Variants in LRR1 observed in about 807,000 individuals in gnomAD.
LRR1 encodes the protein leucine-rich repeat protein 1.
A neutral mutation model predicts 31.6 loss-of-function variants in LRR1; 29 were observed. The observed-to-expected ratio is 0.92, with a 90% CI of 0.68 to 1.25. LRR1 has a LOEUF of 1.25. Among genes scored for constraint, LRR1 ranks in the 50% most tolerant of loss-of-function variants. LRR1 has a pLI of 0.00. For synonymous variants in LRR1, 179 were observed against 181.4 expected (o/e 0.99, Z 0.10); for missense variants, 485 against 487.2 (o/e 1.00, Z 0.04).
At chr14:49,604,143 A>C (rs112307231) in intron 2 of LRR1, among the ~76,000 whole-genome samples, 72,770 of 149,198 alleles carry the variant, frequency 0.49, 18,141 homozygotes, top group Middle Eastern at 0.56. Flanking sequence ...TCTCCACAAA[A>C]AAAAAAAAAA....
chr14:49,612,922 C>T (rs966159585), intron 3 of LRR1, among the ~76,000 whole-genome samples: 2 of 152,098 alleles, frequency 1.3e-5, no homozygotes, highest in East Asian at 1.9e-4. Flanking sequence ...CCTCAAGGCC[C>T]AGCGCAGTGG....
chr14:49,607,712 C>G lies in LRR1; in HGVS notation c.595C>G (p.Leu199Val). 1 of 1,612,772 alleles carries G rather than the reference C, an allele frequency of 6.2e-7. No homozygotes were observed. Among genetic ancestry groups the G allele is most frequent in the Non-Finnish European group, 8.5e-7 (1 of 1,179,338 alleles). ...AAAGCTTCCAGCTACAATTGGAGAC[C>G]TCATACACCTTCAAGAACTTAACCT... Reference protein sequence around the residue: ...IKKLPATIGDLIHLQELNLND... With the variant: ...IKKLPATIGDVIHLQELNLND... The change falls in exon 3 of 4, where the codon CTC (leucine) becomes GTC (valine). Residue 199 changes from leucine to valine, a missense_variant. By Grantham distance (32) the Leu-to-Val change is conservative (BLOSUM62 1). Around this residue, in one of 3 missense-constraint regions of LRR1, gnomAD observed 260 missense variants for 249.6 expected, o/e 1.04. Transcript: ENST00000298288.
chr14:49,603,400 C>G (rs575314427), intron 2 of LRR1, among the ~76,000 whole-genome samples: 45 of 152,160 alleles, frequency 3.0e-4, no homozygotes, highest in African/African-American at 9.9e-4. Flanking sequence ...GGCAACTGCA[C>G]AGGTCTACAT....
chr14:49,599,134 G>C lies in LRR1; in HGVS notation c.114G>C (p.Arg38Ser). 1 of 1,608,530 alleles carries C rather than the reference G, an allele frequency of 6.2e-7. No individual in the cohort carries two copies. ...AVLSLCQQTS[R>S]SQPPVRAFLL... ...TGAGCCTCTGTCAGCAGACTTCCAG[G>C]AGTCAGCCGCCGGTCCGAGCCTTCC... The change falls in exon 1 of 4, where the codon AGG becomes AGC. Residue 38 changes from arginine to serine, a missense_variant. By Grantham distance (110) the Arg-to-Ser change is moderately radical (BLOSUM62 -1). Transcript: ENST00000298288.
intron 3 of LRR1, among the ~76,000 whole-genome samples, chr14:49,613,207 C>T (rs1053953451): frequency 2.6e-5 from 4 of 151,962 alleles, no homozygotes; most frequent in Non-Finnish European, 2.9e-5. Context: ...GGCGTGGTGG[C>T]GGGCACCTAT....
At chr14:49,601,699 G>A in intron 1 of LRR1, 2 of 1,288,200 alleles carry the variant, frequency 1.6e-6, no homozygotes, top group Non-Finnish European at 2.0e-6. Flanking sequence ...AGTTGGAATG[G>A]GAGAAAAGGA....
At chr14:49,599,598 C>T (rs8015132) in intron 1 of LRR1, among the ~76,000 whole-genome samples, 27,336 of 151,072 alleles carry the variant, frequency 0.18, 2,733 homozygotes, top group Admixed American at 0.28. Context: ...AATTCTTTCT[C>T]CCACAATATT....
Position 49,614,515 on chromosome 14 carries a change from G to T in LRR1, c.*19G>T, listed in dbSNP as rs1882629295. ...AAAGTAATGGGTGAGACCAGAAAAA[G>T]AAATTTCAATAACAGATCAGTTTGG... is the stretch of plus-strand genomic sequence containing the variant. On this transcript the variant is annotated 3_prime_UTR_variant, in exon 4 of 4. Coordinates refer to ENST00000298288, the MANE Select transcript of LRR1 (RefSeq NM_152329.4). 5 of 1,612,858 alleles carry T rather than the reference G, an allele frequency of 3.1e-6. No individual in the cohort carries two copies. In the East Asian group the frequency reaches 1.1e-4, roughly 36 times the overall value.
rs1882342666 is a variant in LRR1, at chr14:49,607,791, A to G, written c.674A>G (p.Gln225Arg). Residue 225 changes from glutamine (Q) to arginine (R), a missense_variant, in exon 3 of 4, where the codon CAG (glutamine) becomes CGG (arginine). This residue lies in a region of LRR1 where 15 missense variants were observed against 37.2 expected (regional missense o/e 0.40). Coordinates refer to ENST00000298288, the MANE Select transcript of LRR1 (RefSeq NM_152329.4). ...FSVALCHSTL[Q>R]KSLRSLDLSK... ...GTAGCCTTGTGTCATTCTACACTCC[A>G]GAAGTCACTTCGGAGTTTGGACCTC... The G allele has an allele frequency of 6.2e-7, 1 of 1,614,060 alleles. No individual in the cohort carries two copies. The highest frequency in any genetic ancestry group is 8.5e-7 in the Non-Finnish European group (1 of 1,180,018).
At position 49,614,621 on chromosome 14, in the gene LRR1, GTTA is replaced by G; in HGVS notation, c.*126_*128del. 2.3e-6 allele frequency: 3 copies of G among 1,324,030 alleles called. No individual in the cohort carries two copies. Among genetic ancestry groups the G allele is most frequent in the Non-Finnish European group, 3.2e-6 (3 of 932,864 alleles). 82.0% of individuals were successfully genotyped at this position (1,324,030 alleles called of 1,614,324 possible). A position where few individuals can be genotyped will look rare whatever the true frequency, so the allele number is the denominator to read the frequency against. On this transcript the variant is annotated 3_prime_UTR_variant, in exon 4 of 4. Transcript: ENST00000298288. Reference sequence around the variant, plus strand: ...TTGCTGGAGAGGAGGAATGTGTATAGTTACTCATTTAGATGACTCCAAAACTTT... The same window carrying G: ...TTGCTGGAGAGGAGGAATGTGTATAGCTCATTTAGATGACTCCAAAACTTT...
rs1022137778 is a variant in LRR1, at chr14:49,607,962, A to G, written c.845A>G (p.Asn282Ser). ...INLRFLSAAR[N>S]KLPFLPSEFR... ...CTTCGCTTTTTGTCAGCAGCTCGAA[A>G]TAAGCTTCCATTTTTGCCTAGTGAA... The change falls in exon 3 of 4, where the codon AAT becomes AGT. Residue 282 changes from asparagine (N) to serine (S), a missense_variant. By Grantham distance (46) the Asn-to-Ser change is conservative (BLOSUM62 1). Transcript: ENST00000298288. 1 of 1,614,174 alleles carries G rather than the reference A, an allele frequency of 6.2e-7. No individual in the cohort carries two copies. The highest frequency in any genetic ancestry group is 1.3e-5 in the African/African-American group (1 of 75,060).
At chr14:49,607,316 G>T in intron 2 of LRR1, 84 bp from the exon 3 acceptor site, 2 of 1,309,902 alleles carry the variant, frequency 1.5e-6, no homozygotes, top group South Asian at 1.9e-5. Flanking sequence ...CATAAGTAAT[G>T]CCATAGAATT....
intron 2 of LRR1, among the ~76,000 whole-genome samples, chr14:49,606,030 TTTC>T (rs1440328508): frequency 6.7e-6 from 1 of 148,582 alleles, no homozygotes. Context: ...CTTTTTTTTT[TTTC>T]TTTTTTTTTT....
intron 2 of LRR1, among the ~76,000 whole-genome samples, chr14:49,605,991 C>T (rs1306568617): frequency 6.6e-6 from 1 of 151,566 alleles, no homozygotes; most frequent in Non-Finnish European, 1.5e-5. Context: ...TTTTGCTCTA[C>T]ATAGCTTCCA....
chr14:49,598,999 G>T lies in LRR1; in HGVS notation c.-22G>T, dbSNP rs2281836. ...GAGGAAGTTTCAAAGCCAGCTTGAC[G>T]TGGTTGTGGCCGTTGGGCGAGATGA... On this transcript the variant is annotated 5_prime_UTR_variant, in exon 1 of 4. Transcript: ENST00000298288. 3 of 1,591,810 alleles carry T rather than the reference G, an allele frequency of 1.9e-6. No individual in the cohort carries two copies. The highest frequency in any genetic ancestry group is 1.1e-5 in the South Asian group (1 of 88,462).
intron 2 of LRR1, among the ~76,000 whole-genome samples, chr14:49,606,305 G>C (rs1288672354): frequency 2.0e-5 from 3 of 151,804 alleles, no homozygotes; most frequent in Non-Finnish European, 4.4e-5. Context: ...AGGATTATAG[G>C]CGTGAGCCAC....
In LRR1 at chr14:49,607,464, T is replaced by C. The variant is rs200215420; in HGVS notation, c.347T>C (p.Val116Ala). 3 of 1,612,956 alleles carry C rather than the reference T, an allele frequency of 1.9e-6. No individual in the cohort carries two copies. The African/African-American group carries it at 4.0e-5, about 22-fold the overall frequency. ...AGACTGGCTCATAGAGGCTGTAATG[T>C]TGATACACCAGTTTCAACGCTCACA... Reference protein sequence around the residue: ...AMRLAHRGCNVDTPVSTLTPV... With the variant: ...AMRLAHRGCNADTPVSTLTPV... Residue 116 changes from valine to alanine, a missense_variant, in exon 3 of 4, where the codon GTT (valine) becomes GCT (alanine). Val to Ala is a moderately conservative substitution (Grantham distance 64). Transcript: ENST00000298288.
At chr14:49,600,062 G>C (rs1881990619) in intron 1 of LRR1, 2 of 1,604,858 alleles carry the variant, frequency 1.2e-6, no homozygotes, top group Admixed American at 1.7e-5. Context: ...TGGGCAAGAC[G>C]TGCCTACTCA....
chr14:49,610,244 A>G (rs1594590987), intron 3 of LRR1, among the ~76,000 whole-genome samples: 3 of 113,100 alleles, frequency 2.7e-5, no homozygotes, highest in Non-Finnish European at 3.8e-5. Context: ...CATTTTGTTG[A>G]GGGTTTTTTT....
Sources: gnomAD v4.1 joint callset for allele counts (sites outside exome capture counted in the v4.1 genomes callset) on GRCh38, gnomAD v4.1.1 for gene constraint, gnomAD v4.1.1 regional missense constraint, MANE v1.5 for transcripts, NCBI Gene and HGNC (gene_info 2026-07-23, HGNC 2026-07-21) for gene names.